Variants in LHFPL3 observed in about 807,000 individuals in gnomAD.
LHFPL3 encodes LHFPL tetraspan subfamily member 3 protein.
Under a neutral mutation model 19.3 loss-of-function variants are expected in LHFPL3, and 5 were observed. The observed-to-expected ratio is 0.26, with a 90% CI of 0.14 to 0.54. LHFPL3 has a LOEUF of 0.54. LHFPL3 is among the 20% of genes least tolerant of loss of function. The probability of loss-of-function intolerance (pLI) is 0.94; values close to 1 mark genes in which losing one functional copy is unlikely to be tolerated. For synonymous variants in LHFPL3, 133 were observed against 126.2 expected, an observed-to-expected ratio of 1.05 and a Z score of -0.36; for missense variants, 249 against 307.4, an observed-to-expected ratio of 0.81 and a Z score of 1.42.
intron 1 of LHFPL3, among the ~76,000 whole-genome samples, chr7:104,697,545 A>G (rs1033993104): frequency 6.6e-6 from 1 of 152,244 alleles, no homozygotes; most frequent in African/African-American, 2.4e-5. Flanking sequence ...AAGCGCCAGT[A>G]GAACAGAAGT....
intron 1 of LHFPL3, among the ~76,000 whole-genome samples, chr7:104,430,434 A>ATACACG (rs1562895289): frequency 2.1e-4 from 3 of 14,330 alleles, no homozygotes; most frequent in African/African-American, 2.8e-4. Flanking sequence ...ATATATATAT[A>ATACACG]TATATATATA....
intron 1 of LHFPL3, among the ~76,000 whole-genome samples, chr7:104,565,185 A>G (rs1790095188): frequency 6.6e-6 from 1 of 152,238 alleles, no homozygotes; most frequent in Non-Finnish European, 1.5e-5. Context: ...GCATTCAAAC[A>G]TATAAGATGA....
intron 1 of LHFPL3, among the ~76,000 whole-genome samples, chr7:104,631,731 A>G (rs1270415976): frequency 2.6e-5 from 4 of 152,202 alleles, no homozygotes; most frequent in Non-Finnish European, 5.9e-5. Context: ...ATAGTCATGA[A>G]CTACAGCACT....
rs538461438 is a variant in LHFPL3, at chr7:104,381,100, A to G, written c.445+51876A>G. ...AATGCAAAGGAAAGATCAAGCTACT[A>G]GACGAGATAGAAAACATAGAGCATG... On this transcript the variant is annotated intron_variant, in intron 1 of 2. Transcript: ENST00000424859. Among the ~76,000 whole-genome samples the G allele has an allele frequency of 2.6e-5, 4 of 152,332 alleles. No homozygotes were observed. In the South Asian group the frequency reaches 8.3e-4, roughly 32 times the overall value.
intron 1 of LHFPL3, among the ~76,000 whole-genome samples, chr7:104,393,463 A>C (rs952943410): frequency 2.6e-5 from 4 of 152,240 alleles, no homozygotes; most frequent in African/African-American, 9.6e-5. Context: ...CATGCCTGTA[A>C]TCCCAACACT....
chr7:104,630,263 T>C (rs1214889353), intron 1 of LHFPL3, among the ~76,000 whole-genome samples: 1 of 152,042 alleles, frequency 6.6e-6, no homozygotes, highest in Non-Finnish European at 1.5e-5. Flanking sequence ...GAACAAATAG[T>C]GTGTGAGAAG....
rs199522217 is a variant in LHFPL3, at chr7:104,740,929, C to CA, written c.682+4024dup. 6.8e-3 allele frequency among the ~76,000 whole-genome samples: 1,038 copies of CA among 152,054 alleles called. 15 individuals carry two copies. The highest frequency in any genetic ancestry group is 0.023 in the African/African-American group (934 of 41,480). ...CCCAACATTCCACCTAATGGATACA[C>CA]AAAAAATCACTGTTACATGAATTCT... On this transcript the variant is annotated intron_variant, in intron 2 of 2. Coordinates refer to ENST00000424859, the MANE Select transcript of LHFPL3 (RefSeq NM_199000.3).
intron 2 of LHFPL3, among the ~76,000 whole-genome samples, chr7:104,795,770 C>T (rs1371235841): frequency 2.6e-5 from 4 of 152,228 alleles, no homozygotes; most frequent in African/African-American, 7.2e-5. Flanking sequence ...CTCCCTCTAG[C>T]TCCAAACAGC....
Position 104,897,287 on chromosome 7 carries a change from C to T in LHFPL3, c.683-8900C>T, listed in dbSNP as rs566971940. ...TTCTTGGTTACTTCTCTCACAGGGC[C>T]GTGGGTGTGTGTGCTTATGTGTGTG... On this transcript the variant is annotated intron_variant, in intron 2 of 2. Coordinates refer to ENST00000424859, the MANE Select transcript of LHFPL3 (RefSeq NM_199000.3). 7.2e-5 allele frequency among the ~76,000 whole-genome samples: 11 copies of T among 152,134 alleles called. No individual in the cohort carries two copies. The East Asian group carries it at 1.9e-3, about 27-fold the overall frequency.
At chr7:104,788,985 A>T (rs1044466754) in intron 2 of LHFPL3, among the ~76,000 whole-genome samples, 1 of 152,200 alleles carries the variant, frequency 6.6e-6, no homozygotes, top group Admixed American at 6.5e-5. Context: ...CTTTCCACTG[A>T]TGATGGAAGC....
At chr7:104,792,713 A>G (rs1257316482) in intron 2 of LHFPL3, among the ~76,000 whole-genome samples, 6 of 152,188 alleles carry the variant, frequency 3.9e-5, no homozygotes, top group East Asian at 1.9e-4. Context: ...TGATCCACAA[A>G]TATGCTGAGT....
At chr7:104,606,869 G>T (rs753219873) in intron 1 of LHFPL3, among the ~76,000 whole-genome samples, 3 of 152,116 alleles carry the variant, frequency 2.0e-5, no homozygotes, top group African/African-American at 7.2e-5. Flanking sequence ...CTCAGGCACT[G>T]AGTCCGTCTC....
chr7:104,405,725 A>G (rs1321503272), intron 1 of LHFPL3, among the ~76,000 whole-genome samples: 1 of 152,188 alleles, frequency 6.6e-6, no homozygotes, highest in Non-Finnish European at 1.5e-5. Context: ...TCTTGGCAAC[A>G]TTGTAACTCT....
chr7:104,557,768 G>C (rs1221479230), intron 1 of LHFPL3, among the ~76,000 whole-genome samples: 1 of 150,488 alleles, frequency 6.6e-6, no homozygotes, highest in Non-Finnish European at 1.5e-5. Flanking sequence ...ATGCTGGTGC[G>C]CTGCACCCAC....
chr7:104,470,672 C>T (rs1000031753), intron 1 of LHFPL3, among the ~76,000 whole-genome samples: 2 of 152,100 alleles, frequency 1.3e-5, no homozygotes, highest in Admixed American at 1.3e-4. Flanking sequence ...GAAACTTGAC[C>T]CAGGTCACAC....
intron 1 of LHFPL3, among the ~76,000 whole-genome samples, chr7:104,394,622 G>C (rs1358018130): frequency 2.0e-5 from 3 of 151,834 alleles, no homozygotes; most frequent in African/African-American, 4.8e-5. Context: ...CATCATTATT[G>C]ATTTTATATT....
chr7:104,580,454 T>C (rs1002495055), intron 1 of LHFPL3, among the ~76,000 whole-genome samples: 3 of 152,120 alleles, frequency 2.0e-5, no homozygotes, highest in Non-Finnish European at 4.4e-5. Flanking sequence ...TTTCCTTCTA[T>C]CCAGTCATCA....
At chr7:104,722,105 A>G (rs972605269) in intron 1 of LHFPL3, among the ~76,000 whole-genome samples, 1 of 152,140 alleles carries the variant, frequency 6.6e-6, no homozygotes, top group African/African-American at 2.4e-5. Flanking sequence ...TTTTTCTGAA[A>G]CATATTTCAA....
intron 1 of LHFPL3, among the ~76,000 whole-genome samples, chr7:104,466,265 T>A (rs889575758): frequency 6.6e-6 from 1 of 152,238 alleles, no homozygotes; most frequent in African/African-American, 2.4e-5. Flanking sequence ...GTAGGTACAT[T>A]TCTCACCTCA....
Sources: allele counts gnomAD v4.1 joint callset (sites outside exome capture counted in the v4.1 genomes callset), GRCh38; gene constraint gnomAD v4.1.1; transcripts MANE v1.5; gene names NCBI Gene and HGNC (gene_info 2026-07-23, HGNC 2026-07-21).